Variants in GPHN observed in about 807,000 individuals in gnomAD.
GPHN encodes gephyrin.
A neutral mutation model predicts 95.5 loss-of-function variants in GPHN; 17 were observed. The observed-to-expected ratio is 0.18, with a 90% CI of 0.12 to 0.27. GPHN has a LOEUF of 0.27. Ranked by LOEUF, GPHN falls within the 10% of genes least tolerant of loss-of-function variation. The probability of loss-of-function intolerance (pLI) is 1.00; values close to 1 mark genes in which losing one functional copy is unlikely to be tolerated. For synonymous variants in GPHN, 320 were observed against 322.5 expected (o/e 0.99, Z 0.08); for missense variants, 660 against 978.1 (o/e 0.67, Z 4.34).
the GPHN span, among the ~76,000 whole-genome samples, chr14:67,344,909 AAAAC>A: frequency 1.3e-5 from 2 of 151,214 alleles, no homozygotes; most frequent in African/African-American, 4.9e-5. Context: ...ACAAACAAAA[AAAAC>A]AAGAGTGTAC....
At chr14:66,633,832 A>G (rs1216897010) in intron 1 of GPHN, among the ~76,000 whole-genome samples, 1 of 152,114 alleles carries the variant, frequency 6.6e-6, no homozygotes. Context: ...TCTCATTACT[A>G]ATGATGTTTA....
At chr14:67,349,601 G>A in the GPHN span, among the ~76,000 whole-genome samples, 2 of 152,200 alleles carry the variant, frequency 1.3e-5, no homozygotes, top group East Asian at 1.9e-4. Context: ...TTGGGAGGCC[G>A]AGGCAGGAGG....
chr14:67,066,934 A>G (rs1369388645), intron 11 of GPHN, among the ~76,000 whole-genome samples: 1 of 152,214 alleles, frequency 6.6e-6, no homozygotes, highest in East Asian at 1.9e-4. Flanking sequence ...ACTTCTGTCA[A>G]CTTGTCAAAG....
chr14:67,569,030 C>T, the GPHN span: 5 of 677,432 alleles, frequency 7.4e-6, no homozygotes, highest in Non-Finnish European at 1.3e-5. Flanking sequence ...GTCACTGCCC[C>T]CCACAGGTCT....
chr14:66,848,945 A>T (rs1216057768), intron 4 of GPHN, among the ~76,000 whole-genome samples: 1 of 151,920 alleles, frequency 6.6e-6, no homozygotes, highest in East Asian at 1.9e-4. Flanking sequence ...ATATCATCCC[A>T]ATTATTATAA....
In GPHN at chr14:67,127,109, G is replaced by T. The variant is rs867778189; in HGVS notation, c.1748+4732G>T. Among the ~76,000 whole-genome samples, 7 of 126,536 alleles carry T rather than the reference G, an allele frequency of 5.5e-5. 1 individual carries two copies. Among genetic ancestry groups the T allele is most frequent in the African/African-American group, 2.1e-4 (7 of 33,798 alleles). The allele number at this position is 126,536 out of a possible 152,430, so 83.0% of individuals were successfully genotyped here. On this transcript the variant is annotated intron_variant, in intron 17 of 22. Coordinates refer to ENST00000478722, the MANE Select transcript of GPHN (RefSeq NM_020806.5). ...TGGGGACTGTTGTGGGGTGGGGGGA[G>T]GGGGGAAGGGGGAGGGATAGCATCG...
At chr14:67,285,000 C>T in the GPHN span, among the ~76,000 whole-genome samples, 2 of 152,034 alleles carry the variant, frequency 1.3e-5, no homozygotes, top group Admixed American at 6.6e-5. Flanking sequence ...ATCCTCCCAC[C>T]GTGGCCTTCC....
At chr14:67,678,417 A>G in the GPHN span, 1 of 1,610,888 alleles carries the variant, frequency 6.2e-7, no homozygotes. Flanking sequence ...ATGCCACATG[A>G]CAGTCACTGG....
At chr14:67,593,131 G>T in the GPHN span, 1 of 165,892 alleles carries the variant, frequency 6.0e-6, no homozygotes, top group Non-Finnish European at 1.3e-5. Flanking sequence ...TTTCACAAAT[G>T]TTTAAGTAGT....
chr14:67,619,950 G>T, the GPHN span: 11 of 1,508,818 alleles, frequency 7.3e-6, no homozygotes, highest in African/African-American at 4.2e-5. Context: ...CGGAGCCTCT[G>T]CCTTGGAGAT....
At chr14:67,316,379 G>C in the GPHN span, among the ~76,000 whole-genome samples, 2 of 152,100 alleles carry the variant, frequency 1.3e-5, no homozygotes, top group Non-Finnish European at 2.9e-5. Context: ...GCATGCAAGG[G>C]AATATACTGA....
chr14:67,007,681 G>T (rs866008774), intron 9 of GPHN, among the ~76,000 whole-genome samples: 1 of 152,084 alleles, frequency 6.6e-6, no homozygotes, highest in Non-Finnish European at 1.5e-5. Context: ...CCACTCCTTC[G>T]GTCAACCTAT....
At chr14:66,679,490 T>C (rs1052562413) in intron 1 of GPHN, among the ~76,000 whole-genome samples, 2 of 152,194 alleles carry the variant, frequency 1.3e-5, no homozygotes, top group African/African-American at 4.8e-5. Flanking sequence ...TGTATCAGTT[T>C]TGGGCTAGTC....
chr14:67,321,028 G>C, the GPHN span: 3 of 1,603,992 alleles, frequency 1.9e-6, no homozygotes, highest in Non-Finnish European at 2.6e-6. Flanking sequence ...AGCCATGCCT[G>C]TTATTTCTAT....
chr14:67,467,468 AG>A, the GPHN span: 2 of 150,882 alleles, frequency 1.3e-5, no homozygotes, highest in Non-Finnish European at 3.0e-5. Flanking sequence ...GGAAGGAGGG[AG>A]GGAGGGGAGA....
the GPHN span, among the ~76,000 whole-genome samples, chr14:67,322,488 T>C: frequency 2.1e-3 from 321 of 152,322 alleles, 1 homozygote; most frequent in Non-Finnish European, 3.7e-3. Flanking sequence ...CTGCTGCTCA[T>C]GTCAAATTAG....
chr14:66,996,870 T>C (rs1323860909), intron 9 of GPHN, among the ~76,000 whole-genome samples: 2 of 152,008 alleles, frequency 1.3e-5, no homozygotes, highest in African/African-American at 4.8e-5. Flanking sequence ...TTGGCCTATT[T>C]TCCTTGTCTT....
chr14:66,574,750 G>C (rs1390148466), intron 1 of GPHN, among the ~76,000 whole-genome samples: 1 of 152,156 alleles, frequency 6.6e-6, no homozygotes, highest in African/African-American at 2.4e-5. Context: ...TCATCCTATC[G>C]ACCATGGGCT....
intron 1 of GPHN, among the ~76,000 whole-genome samples, chr14:66,568,579 G>A (rs2060552156): frequency 6.6e-6 from 1 of 152,092 alleles, no homozygotes; most frequent in Non-Finnish European, 1.5e-5. Flanking sequence ...AAAAGTATGA[G>A]TAAGCAGGTG....
Sources: gnomAD v4.1 joint callset for allele counts (sites outside exome capture counted in the v4.1 genomes callset) on GRCh38, gnomAD v4.1.1 for gene constraint, MANE v1.5 for transcripts, NCBI Gene and HGNC (gene_info 2026-07-23, HGNC 2026-07-21) for gene names.